Variants in TTN observed in about 807,000 individuals in gnomAD.
TTN encodes the protein connectin.
TTN carries 1,525 observed loss-of-function variants against 3,223.0 expected under a neutral mutation model. The observed-to-expected ratio is 0.47, with a 90% confidence interval of 0.45 to 0.49. The LOEUF (loss-of-function observed/expected upper bound fraction) is 0.49. Among genes scored for constraint, TTN ranks in the 20% least tolerant of loss-of-function variants. The probability of loss-of-function intolerance (pLI) is 0.00; values close to 1 mark genes in which losing one functional copy is unlikely to be tolerated. For synonymous variants in TTN, 14,094 were observed against 15,161.0 expected, an observed-to-expected ratio of 0.93 and a Z score of 5.17; for missense variants, 40,786 against 43,424.0, an observed-to-expected ratio of 0.94 and a Z score of 5.40.
In TTN at chr2:178,653,907, T is replaced by G. The variant is rs1197517574; in HGVS notation, c.38465-10A>C. The G allele has an allele frequency of 3.8e-6, 6 of 1,589,724 alleles. No homozygotes were observed. The highest frequency in any genetic ancestry group is 5.1e-6 in the Non-Finnish European group (6 of 1,175,584). ...TGAGGAACTTCTGGCACTTGAAAGA[T>G]ATTAGTAGTTTTATACTTAGGTTAA... On this transcript the variant is annotated splice_polypyrimidine_tract_variant and intron_variant, in intron 194 of 362. Coordinates refer to ENST00000589042, the MANE Select transcript of TTN (RefSeq NM_001267550.2).
At chr2:178,774,617 G>A (rs1442701635) in intron 29 of TTN, 144 bp from the exon 30 acceptor site, 3 of 765,566 alleles carry the variant, frequency 3.9e-6, no homozygotes, top group Non-Finnish European at 6.1e-6. Context: ...TGGGCTGAGA[G>A]ATAAATTTTC....
Position 178,607,182 on chromosome 2 carries a change from T to G in TTN, c.53420A>C (p.Lys17807Thr), listed in dbSNP as rs747883893. The G allele has an allele frequency of 6.2e-7, 1 of 1,613,056 alleles. No individual in the cohort carries two copies. The highest frequency in any genetic ancestry group is 1.1e-5 in the South Asian group (1 of 91,052). ...TATTGGTTGTCTCCAAGTATGCATC[T>G]TGGCATCTTTTCTTTCAATGATAAA... ...TGFIIERKDA[K>T]MHTWRQPIET... Residue 17807 changes from lysine to threonine, a missense_variant, in exon 278 of 363, where the codon AAG (lysine) becomes ACG (threonine). By Grantham distance (78) the Lys-to-Thr change is moderately conservative (BLOSUM62 -1). Transcript: ENST00000589042.
intron 290 of TTN, 22 bp downstream of exon 290, chr2:178,599,124 G>A (rs2052610265): frequency 2.0e-6 from 3 of 1,507,788 alleles, no homozygotes; most frequent in Admixed American, 2.3e-5. Context: ...GGCTTTGTAT[G>A]TGAAAATGTT....
chr2:178,800,637 G>T lies in TTN; in HGVS notation c.341C>A (p.Thr114Asn), dbSNP rs750606005. 2 of 1,611,860 alleles carry T rather than the reference G, an allele frequency of 1.2e-6. No homozygotes were observed. The highest frequency in any genetic ancestry group is 4.5e-5 in the East Asian group (2 of 44,862). ...PNFVQRLQSM[T>N]VRQGSQVRLQ... ...TCTCACTTGGCTTCCTTGTCTCACG[G>T]TCATGCTCTGCAGTCGTTGAACGAA... The change falls in exon 4 of 363, where the codon ACC becomes AAC. Residue 114 changes from threonine to asparagine, a missense_variant. Physicochemically the swap from Thr to Asn is moderately conservative, Grantham distance 65. Transcript: ENST00000589042.
chr2:178,549,932 T>C (rs1698665235), intron 337 of TTN, 54 bp downstream of exon 337: 2 of 1,553,434 alleles, frequency 1.3e-6, no homozygotes. Flanking sequence ...CAACTAGGCA[T>C]GTCTCTAATC....
chr2:178,590,365 C>T lies in TTN; in HGVS notation c.61360G>A (p.Gly20454Arg). 1 of 1,580,878 alleles carries T rather than the reference C, an allele frequency of 6.3e-7. No individual in the cohort carries two copies. Among genetic ancestry groups the T allele is most frequent in the Non-Finnish European group, 8.6e-7 (1 of 1,164,146 alleles). Reference sequence around the variant, plus strand: ...GCTAGTTCTCTTGGCTCACCCTCTCCTACAATATTAGCTGCCTTTATACGG... The same window carrying T: ...GCTAGTTCTCTTGGCTCACCCTCTCTTACAATATTAGCTGCCTTTATACGG... ...RFRIKAANIV[G>R]EGEPRELAES... Residue 20454 changes from glycine to arginine, a missense_variant, in exon 304 of 363, where the codon GGA becomes AGA. Coordinates refer to ENST00000589042, the MANE Select transcript of TTN (RefSeq NM_001267550.2).
Position 178,739,883 on chromosome 2 carries a change from A to G in TTN, c.13350T>C (p.Ser4450=). Residue 4450 remains serine (S), a synonymous_variant, in exon 48 of 363, where the codon TCT becomes TCC. Coordinates refer to ENST00000589042, the MANE Select transcript of TTN (RefSeq NM_001267550.2). ...TAATGATGGTTACTTCTTCTGTTAC[A>G]GACTTTGCCGAAGTAACAAGGTACA... ...MCMYLVTSAK[S]VTEEVTIIIE... The G allele has an allele frequency of 6.2e-7, 1 of 1,613,900 alleles. No individual in the cohort carries two copies. The highest frequency in any genetic ancestry group is 8.5e-7 in the Non-Finnish European group (1 of 1,179,826).
chr2:178,563,258 C>G lies in TTN; in HGVS notation c.82874G>C (p.Gly27625Ala). 1.2e-6 allele frequency: 2 copies of G among 1,613,558 alleles called. No individual in the cohort carries two copies. The highest frequency in any genetic ancestry group is 3.3e-5 in the Admixed American group (2 of 59,976). The change falls in exon 326 of 363, where the codon GGA (glycine) becomes GCA (alanine). Residue 27625 changes from glycine (G) to alanine (A), a missense_variant. Gly to Ala is a moderately conservative substitution (Grantham distance 60). Coordinates refer to ENST00000589042, the MANE Select transcript of TTN (RefSeq NM_001267550.2). This position sits in a 1 kb window ranked among gnomAD's most constrained non-coding sequence, Gnocchi z 4.5. ...CACTGTGAACTGCTTTCCTTGTAATCCTGTTGGTGGAGTGCAGGTTGTCCA... is the reference window on the plus strand; with the variant it reads ...CACTGTGAACTGCTTTCCTTGTAATGCTGTTGGTGGAGTGCAGGTTGTCCA... ...DEWTTCTPPT[G>A]LQGKQFTVTK...
At position 178,800,506 on chromosome 2, in the gene TTN, G is replaced by A. The variant is rs1490704308; in HGVS notation, c.472C>T (p.Leu158Phe). The A allele has an allele frequency of 1.9e-6, 3 of 1,614,044 alleles. No homozygotes were observed. The highest frequency in any genetic ancestry group is 2.5e-6 in the Non-Finnish European group (3 of 1,180,030). ...LDFQISQEGD[L>F]YSLLIAEAYP... is the part of the protein sequence containing the mutation. ...GCTTCTGCAATCAGTAAGCTGTAGA[G>A]GTCGCCTTCTTGTGAAATTTGGAAA... The change falls in exon 4 of 363, where the codon CTC becomes TTC. Residue 158 changes from leucine to phenylalanine, a missense_variant. Transcript: ENST00000589042.
chr2:178,745,386 C>T, intron 47 of TTN: 1 of 1,415,286 alleles, frequency 7.1e-7, no homozygotes, highest in Non-Finnish European at 9.2e-7. Flanking sequence ...GTGATGATTC[C>T]ACAGTTCAGA....
In TTN at chr2:178,777,461, C is replaced by T; in HGVS notation, c.4604G>A (p.Arg1535Lys). The T allele has an allele frequency of 6.2e-7, 1 of 1,613,858 alleles. No homozygotes were observed. The highest frequency in any genetic ancestry group is 8.5e-7 in the Non-Finnish European group (1 of 1,179,932). ...SGEWTVVAQN[R>K]AGRSSISVIL... ...CACTGAAATTGAAGATCTGCCTGCC[C>T]TGTTTTGGGCAACCACAGTCCATTC... The change falls in exon 26 of 363, where the codon AGG (arginine) becomes AAG (lysine). Residue 1535 changes from arginine to lysine, a missense_variant. Transcript: ENST00000589042.
At chr2:178,720,790 C>T in intron 79 of TTN, 127 bp from the exon 80 acceptor site, 2 of 1,370,858 alleles carry the variant, frequency 1.5e-6, no homozygotes, top group Non-Finnish European at 1.9e-6. Flanking sequence ...CAAGAAATGA[C>T]AATTCATTAA....
At chr2:178,652,624 T>G in intron 201 of TTN, 29 bp downstream of exon 201, 1 of 1,608,322 alleles carries the variant, frequency 6.2e-7, no homozygotes, top group Non-Finnish European at 8.5e-7. Context: ...GAGATAGATC[T>G]TCTGACGCTT....
intron 22 of TTN, 90 bp downstream of exon 22, chr2:178,779,910 G>A (rs922401573): frequency 1.1e-4 from 154 of 1,346,526 alleles, no homozygotes; most frequent in Non-Finnish European, 1.3e-4. Context: ...GTCTAACCCC[G>A]AGCTCATCAC....
At chr2:178,800,019 T>A in intron 4 of TTN, 109 bp from the exon 5 acceptor site, 3 of 1,189,514 alleles carry the variant, frequency 2.5e-6, no homozygotes, top group Non-Finnish European at 3.6e-6. Context: ...GATATCCCAA[T>A]GGAGAAAATT....
intron 106 of TTN, 41 bp downstream of exon 106, chr2:178,704,106 C>T (rs749091578): frequency 2.5e-5 from 40 of 1,600,072 alleles, no homozygotes; most frequent in Non-Finnish European, 3.3e-5. Flanking sequence ...TTGCCATTGA[C>T]CTATGCTGTA....
rs1302866181 is a variant in TTN, at chr2:178,614,827, C to A, written c.48760+20G>T. 5 of 1,575,280 alleles carry A rather than the reference C, an allele frequency of 3.2e-6. No individual in the cohort carries two copies. Among genetic ancestry groups the A allele is most frequent in the Non-Finnish European group, 4.3e-6 (5 of 1,159,438 alleles). On this transcript the variant is annotated intron_variant, in intron 260 of 362. Coordinates refer to ENST00000589042, the MANE Select transcript of TTN (RefSeq NM_001267550.2). ...AAGGTCAGAGGCCTATTTGATAAGA[C>A]AAAAATCAAAAATAGATACCTTGTG...
intron 308 of TTN, among the ~76,000 whole-genome samples, chr2:178,585,554 G>A (rs1167960241): frequency 2.6e-5 from 4 of 151,778 alleles, no homozygotes; most frequent in Non-Finnish European, 5.9e-5. Flanking sequence ...TCAACACATC[G>A]TCTACATTAG....
chr2:178,625,771 A>G lies in TTN; in HGVS notation c.44425-375T>C, dbSNP rs988744444. 3.3e-5 allele frequency among the ~76,000 whole-genome samples: 5 copies of G among 152,000 alleles called. No homozygotes were observed. The East Asian group carries it at 9.7e-4, about 29-fold the overall frequency. On this transcript the variant is annotated intron_variant, in intron 240 of 362. Transcript: ENST00000589042. Reference sequence around the variant, plus strand: ...TATTGTGGCATTATTCACAATAGCAAAGACTTGGAACCAACCCAAATGTCC... The same window carrying G: ...TATTGTGGCATTATTCACAATAGCAGAGACTTGGAACCAACCCAAATGTCC...
Sources: gnomAD v4.1 joint callset for allele counts (sites outside exome capture counted in the v4.1 genomes callset) on GRCh38, gnomAD v4.1.1 for gene constraint, Gnocchi (gnomAD v3.1) non-coding constraint, MANE v1.5 for transcripts, NCBI Gene and HGNC (gene_info 2026-07-23, HGNC 2026-07-21) for gene names.